Variants in LASP1 observed in about 807,000 individuals in gnomAD.
The protein encoded by LASP1 is LIM and SH3 domain protein 1.
A neutral mutation model predicts 38.6 loss-of-function variants in LASP1; 10 were observed. The ratio of observed to expected loss-of-function variants is 0.26; its 90% CI spans 0.16 to 0.44. The LOEUF (loss-of-function observed/expected upper bound fraction) is 0.44. Ranked by LOEUF, LASP1 falls within the 20% of genes least tolerant of loss-of-function variation. The pLI is 1.00. For synonymous variants in LASP1, 132 were observed against 140.8 expected (o/e 0.94, Z 0.44); for missense variants, 243 against 375.7 (o/e 0.65, Z 2.92).
At chr17:38,888,661 C>T (rs1309667195) in intron 2 of LASP1, among the ~76,000 whole-genome samples, 1 of 152,130 alleles carries the variant, frequency 6.6e-6, no homozygotes, top group Non-Finnish European at 1.5e-5. Flanking sequence ...CAAAAGAGAC[C>T]CCAAAATCCC....
rs1464205659 is a variant in LASP1 at position 38,900,337 on chromosome 17, A to G, written c.357+1818A>G. On this transcript the variant is annotated intron_variant, in intron 4 of 6. Transcript: ENST00000318008. Reference sequence around the variant, plus strand: ...TGAGGTTATAGTGAGCCGTAATTGCACCACTGCATTCCAGCCTGGGAAACC... The same window carrying G: ...TGAGGTTATAGTGAGCCGTAATTGCGCCACTGCATTCCAGCCTGGGAAACC... Among the ~76,000 whole-genome samples the G allele has an allele frequency of 6.2e-5, 9 of 145,120 alleles. No individual in the cohort carries two copies. The Admixed American group carries it at 6.5e-4, about 11-fold the overall frequency.
intron 4 of LASP1, among the ~76,000 whole-genome samples, chr17:38,914,029 A>G (rs1359538809): frequency 1.3e-5 from 2 of 150,186 alleles, no homozygotes; most frequent in Middle Eastern, 3.2e-3. Context: ...AAAAGGGACC[A>G]CTCACTTTGG....
At chr17:38,917,914 G>A (rs1451793551) in intron 6 of LASP1, among the ~76,000 whole-genome samples, 1 of 151,866 alleles carries the variant, frequency 6.6e-6, no homozygotes, top group Non-Finnish European at 1.5e-5. Context: ...CGAGGCGAGC[G>A]GATCACTTGA....
At chr17:38,879,475 T>A (rs968406365) in intron 2 of LASP1, among the ~76,000 whole-genome samples, 16 of 151,884 alleles carry the variant, frequency 1.1e-4, no homozygotes, top group East Asian at 3.9e-4. Context: ...ATTTTTTTTT[T>A]AATTTTAACT....
chr17:38,904,837 TCAAA>T (rs937015164), intron 4 of LASP1, among the ~76,000 whole-genome samples: 4 of 152,212 alleles, frequency 2.6e-5, no homozygotes, highest in Non-Finnish European at 4.4e-5. Context: ...TAGTAAATAG[TCAAA>T]CAAAGTTTTG....
chr17:38,875,778 A>G (rs1356973655), intron 1 of LASP1, among the ~76,000 whole-genome samples: 1 of 152,202 alleles, frequency 6.6e-6, no homozygotes, highest in Non-Finnish European at 1.5e-5. Context: ...CCAGTGTCTC[A>G]GAAGCACCTC....
At chr17:38,871,789 G>A (rs1344558432) in intron 1 of LASP1, among the ~76,000 whole-genome samples, 1 of 152,094 alleles carries the variant, frequency 6.6e-6, no homozygotes, top group African/African-American at 2.4e-5. Context: ...CTGGGCAGGA[G>A]GAGAGGAGGG....
At chr17:38,914,958 T>A in intron 5 of LASP1, 85 bp from the exon 6 acceptor site, 1 of 1,248,562 alleles carries the variant, frequency 8.0e-7, no homozygotes, top group Non-Finnish European at 1.2e-6. Context: ...GGGGTGGAAG[T>A]GCATGGTATG....
chr17:38,909,728 C>CTCATTCAT (rs111395734), intron 4 of LASP1, among the ~76,000 whole-genome samples: 6,131 of 149,964 alleles, frequency 0.041, 126 homozygotes, highest in East Asian at 0.069. Context: ...TCTTTTTCAT[C>CTCATTCAT]TCATTCATTC....
chr17:38,887,275 G>A (rs1483429806), intron 2 of LASP1, among the ~76,000 whole-genome samples: 2 of 152,152 alleles, frequency 1.3e-5, no homozygotes, highest in African/African-American at 2.4e-5. Context: ...CACAGCCCCT[G>A]CCCATACAGT....
chr17:38,882,663 G>A (rs552915702), intron 2 of LASP1, among the ~76,000 whole-genome samples: 1 of 152,342 alleles, frequency 6.6e-6, no homozygotes, highest in Non-Finnish European at 1.5e-5. Context: ...TTTTCCAAAA[G>A]TGGGGCAGAT....
At position 38,898,474 on chromosome 17, in the gene LASP1, G is replaced by T; in HGVS notation, c.312G>T (p.Thr104=). The stretch of plus-strand genomic sequence containing the variant: ...AAGGTTTCAGCGTAGTGGCAGACAC[G>T]CCCGAGCTCCAGAGAATCAAGAAGA... ...KGKGFSVVAD[T]PELQRIKKTQ... The change falls in exon 4 of 7, where the codon ACG becomes ACT. Residue 104 remains threonine (T), a synonymous_variant. Transcript: ENST00000318008. 6.4e-7 allele frequency: 1 copy of T among 1,551,612 alleles called. No individual in the cohort carries two copies. The highest frequency in any genetic ancestry group is 8.7e-7 in the Non-Finnish European group (1 of 1,146,920).
Sources: allele counts gnomAD v4.1 joint callset (sites outside exome capture counted in the v4.1 genomes callset), GRCh38; gene constraint gnomAD v4.1.1; transcripts MANE v1.5; gene names NCBI Gene and HGNC (gene_info 2026-07-23, HGNC 2026-07-21).